PAPPA2: variants seen among roughly 807,000 people sequenced by gnomAD.
The protein encoded by PAPPA2 is pappalysin-2.
In PAPPA2, 86 loss-of-function variants were observed where a neutral mutation model predicts 176.4. That is an observed-to-expected ratio of 0.49 (90% CI 0.41 to 0.58). The LOEUF (loss-of-function observed/expected upper bound fraction) is 0.58, where lower values mean the gene tolerates loss of function less well. Ranked by LOEUF, PAPPA2 falls within the 20% of genes least tolerant of loss-of-function variation. The probability of loss-of-function intolerance (pLI) is 0.00; values close to 1 mark genes in which losing one functional copy is unlikely to be tolerated. For synonymous variants in PAPPA2, 809 were observed against 852.2 expected (o/e 0.95, Z 0.88); for missense variants, 2,073 against 2,256.9 (o/e 0.92, Z 1.65).
chr1:176,540,395 C>A (rs148130779), intron 1 of PAPPA2, among the ~76,000 whole-genome samples: 1 of 152,230 alleles, frequency 6.6e-6, no homozygotes, highest in Admixed American at 6.5e-5. Context: ...TTGATTACTG[C>A]GTGAAGAGTT....
Position 176,679,520 on chromosome 1 carries a change from T to C in PAPPA2, c.2137+8405T>C, listed in dbSNP as rs3979580. ...TACAATGAAGGAAATTGATCTAATA[T>C]AATGTTTATTAAAGCAATTCAATAA... is the stretch of plus-strand genomic sequence containing the variant. On this transcript the variant is annotated intron_variant, in intron 4 of 22. Transcript: ENST00000367662. Among the ~76,000 whole-genome samples the C allele has an allele frequency of 2.0e-5, 3 of 152,208 alleles. No homozygotes were observed. In the East Asian group the frequency reaches 5.8e-4, roughly 29 times the overall value.
At chr1:176,559,454 T>C (rs1258183169) in intron 2 of PAPPA2, among the ~76,000 whole-genome samples, 1 of 152,160 alleles carries the variant, frequency 6.6e-6, no homozygotes, top group Non-Finnish European at 1.5e-5. Flanking sequence ...GGAACATGGT[T>C]TCATTCTTTG....
intron 3 of PAPPA2, among the ~76,000 whole-genome samples, chr1:176,655,254 A>G (rs1462025619): frequency 6.6e-6 from 1 of 151,800 alleles, no homozygotes; most frequent in Non-Finnish European, 1.5e-5. Flanking sequence ...GTCTATGCCT[A>G]GTTTGCTCAT....
rs960944233 is a variant in PAPPA2, at chr1:176,550,245, C to T, written c.-916-5162C>T. ...TCCTCATCTGTAAGATGGGCATTAA[C>T]ACTTGCTTTGCATTCACGTTGTTGT... On this transcript the variant is annotated intron_variant, in intron 1 of 22. Coordinates refer to ENST00000367662, the MANE Select transcript of PAPPA2 (RefSeq NM_020318.3). Among the ~76,000 whole-genome samples, 4 of 152,222 alleles carry T rather than the reference C, an allele frequency of 2.6e-5. No homozygotes were observed. In the East Asian group the frequency reaches 7.7e-4, roughly 29 times the overall value.
At chr1:176,798,119 A>C (rs1007823255) in intron 20 of PAPPA2, among the ~76,000 whole-genome samples, 1 of 152,212 alleles carries the variant, frequency 6.6e-6, no homozygotes, top group Non-Finnish European at 1.5e-5. Context: ...TAAATTAATT[A>C]GTCTCAAAAT....
intron 7 of PAPPA2, among the ~76,000 whole-genome samples, chr1:176,698,115 CA>C (rs1354502246): frequency 1.3e-5 from 2 of 152,082 alleles, no homozygotes; most frequent in African/African-American, 4.8e-5. Context: ...AGGGAAATTG[CA>C]ATGTTTGAAC....
rs140649273 is a variant in PAPPA2, at chr1:176,606,526, G to A, written c.1991+10931G>A. On this transcript the variant is annotated intron_variant, in intron 3 of 22. Transcript: ENST00000367662. ...GTCACCCAGGCTGGAGTACAGTGGC[G>A]TGATCTCAGCTCACTGCAACCTCCA... 1.1e-4 allele frequency among the ~76,000 whole-genome samples: 17 copies of A among 152,220 alleles called. No individual in the cohort carries two copies. In the Middle Eastern group the frequency reaches 0.014, roughly 122 times the overall value.
intron 2 of PAPPA2, among the ~76,000 whole-genome samples, chr1:176,581,727 G>T (rs1052436381): frequency 6.6e-5 from 10 of 151,922 alleles, no homozygotes; most frequent in African/African-American, 2.4e-4. Context: ...TATTCTAAAT[G>T]AAATTCCTTT....
intron 21 of PAPPA2, among the ~76,000 whole-genome samples, chr1:176,809,362 G>T (rs967698504): frequency 3.3e-5 from 5 of 152,218 alleles, no homozygotes; most frequent in African/African-American, 1.2e-4. Flanking sequence ...TTACTGAAAT[G>T]GAGGTGGAAA....
At chr1:176,822,183 G>A (rs1488596038) in intron 21 of PAPPA2, among the ~76,000 whole-genome samples, 6 of 152,170 alleles carry the variant, frequency 3.9e-5, no homozygotes, top group Non-Finnish European at 8.8e-5. Context: ...CCACTACTGG[G>A]AGAGTAGGGA....
intron 2 of PAPPA2, among the ~76,000 whole-genome samples, chr1:176,583,656 C>G (rs1341786193): frequency 6.6e-6 from 1 of 152,114 alleles, no homozygotes; most frequent in Non-Finnish European, 1.5e-5. Flanking sequence ...CTAGATTAGT[C>G]TTAAACTCCT....
chr1:176,717,003 C>G (rs1409734674), intron 12 of PAPPA2, among the ~76,000 whole-genome samples: 1 of 152,150 alleles, frequency 6.6e-6, no homozygotes, highest in African/African-American at 2.4e-5. Flanking sequence ...CCTTTAGGCC[C>G]CTTAGGCCAG....
At chr1:176,579,015 C>T (rs1331231200) in intron 2 of PAPPA2, among the ~76,000 whole-genome samples, 2 of 152,058 alleles carry the variant, frequency 1.3e-5, no homozygotes, top group African/African-American at 4.8e-5. Flanking sequence ...ATACTTTTCC[C>T]CCTCATTAGG....
At chr1:176,466,982 C>A (rs1043989348) in intron 1 of PAPPA2, among the ~76,000 whole-genome samples, 3 of 152,166 alleles carry the variant, frequency 2.0e-5, no homozygotes, top group Admixed American at 6.5e-5. Flanking sequence ...GCGAAACAGT[C>A]ATGTATCGCT....
intron 2 of PAPPA2, among the ~76,000 whole-genome samples, chr1:176,559,139 C>G (rs977840252): frequency 3.2e-4 from 48 of 152,212 alleles, no homozygotes; most frequent in Non-Finnish European, 3.5e-4. Flanking sequence ...AACACTGCCA[C>G]AGCACACACT....
At chr1:176,618,401 C>G (rs1482128994) in intron 3 of PAPPA2, among the ~76,000 whole-genome samples, 1 of 152,150 alleles carries the variant, frequency 6.6e-6, no homozygotes, top group African/African-American at 2.4e-5. Context: ...TACCAAAATA[C>G]TCAGAGAAAA....
chr1:176,795,384 A>C (rs1441251752), intron 20 of PAPPA2, among the ~76,000 whole-genome samples: 1 of 152,160 alleles, frequency 6.6e-6, no homozygotes, highest in Non-Finnish European at 1.5e-5. Context: ...GAAAAGGATG[A>C]CTGCCACAGA....
intron 1 of PAPPA2, among the ~76,000 whole-genome samples, chr1:176,489,821 G>A (rs955368307): frequency 4.6e-5 from 7 of 152,124 alleles, no homozygotes; most frequent in African/African-American, 1.2e-4. Context: ...AGACTTATTC[G>A]TTTATATATT....
intron 3 of PAPPA2, among the ~76,000 whole-genome samples, chr1:176,603,569 T>G (rs1654445695): frequency 6.6e-6 from 1 of 152,188 alleles, no homozygotes; most frequent in African/African-American, 2.4e-5. Flanking sequence ...CAGAGCGCTG[T>G]CCAATGGTTG....
Sources: gnomAD v4.1 joint callset for allele counts (sites outside exome capture counted in the v4.1 genomes callset) on GRCh38, gnomAD v4.1.1 for gene constraint, MANE v1.5 for transcripts, NCBI Gene and HGNC (gene_info 2026-07-23, HGNC 2026-07-21) for gene names.